MAML3: variants seen among roughly 807,000 people sequenced by gnomAD.
MAML3 encodes the protein mastermind like transcriptional coactivator 3, also known as mastermind-like protein 3.
MAML3 carries 27 observed loss-of-function variants against 101.9 expected under a neutral mutation model. The observed-to-expected ratio is 0.27, with a 90% confidence interval of 0.20 to 0.37. The LOEUF is 0.37. MAML3 is among the 10% of genes least tolerant of loss of function. The probability of loss-of-function intolerance (pLI) is 1.00; values close to 1 mark genes in which losing one functional copy is unlikely to be tolerated. For missense variants in MAML3, 1,316 were observed against 1,444.9 expected, an observed-to-expected ratio of 0.91 and a Z score of 1.45; for synonymous variants, 501 against 555.9, an observed-to-expected ratio of 0.90 and a Z score of 1.39.
chr4:140,091,712 TA>T (rs1728055255), intron 1 of MAML3, among the ~76,000 whole-genome samples: 1 of 152,112 alleles, frequency 6.6e-6, no homozygotes. Context: ...GGCTCCCAAC[TA>T]GTTCAAGGGT....
intron 2 of MAML3, among the ~76,000 whole-genome samples, chr4:139,824,994 C>T (rs1731038150): frequency 6.6e-6 from 1 of 152,138 alleles, no homozygotes; most frequent in Non-Finnish European, 1.5e-5. Flanking sequence ...ATTAGCAGTT[C>T]ATCTTCTAAA....
intron 1 of MAML3, among the ~76,000 whole-genome samples, chr4:140,066,629 G>T (rs544144282): frequency 6.6e-6 from 1 of 152,180 alleles, no homozygotes; most frequent in Non-Finnish European, 1.5e-5. Context: ...AAAAACAGGA[G>T]CAGGAAAAAA....
At chr4:140,042,166 C>T (rs886681851) in intron 1 of MAML3, among the ~76,000 whole-genome samples, 1 of 152,162 alleles carries the variant, frequency 6.6e-6, no homozygotes, top group Admixed American at 6.5e-5. Flanking sequence ...CAGCACCCAG[C>T]CATTTTATTA....
At position 139,889,481 on chromosome 4, in the gene MAML3, G is replaced by GGTGGCTGCTGCT; in HGVS notation, c.1954_1955insAGCAGCAGCCAC (p.Gln648_Pro651dup). ...CCTGGGGGCCTGGAGCTGTGGAGGT[G>GGTGGCTGCTGCT]GCGGCTGCTGCTGCTGCTGCTGCTG... is the stretch of plus-strand genomic sequence containing the variant. On this transcript the variant is annotated inframe_insertion, in exon 2 of 5. Transcript: ENST00000509479. 1 of 1,611,160 alleles carries GGTGGCTGCTGCT rather than the reference G, an allele frequency of 6.2e-7. No homozygotes were observed. The highest frequency in any genetic ancestry group is 2.2e-5 in the East Asian group (1 of 44,796).
At chr4:140,116,428 T>C (rs537777876) in intron 1 of MAML3, among the ~76,000 whole-genome samples, 1 of 152,360 alleles carries the variant, frequency 6.6e-6, no homozygotes, top group Admixed American at 6.5e-5. Flanking sequence ...CTCTTGCATG[T>C]TCAGGGCTAT....
At chr4:139,885,245 TA>T (rs773986857) in intron 2 of MAML3, among the ~76,000 whole-genome samples, 132 of 145,204 alleles carry the variant, frequency 9.1e-4, no homozygotes, top group Middle Eastern at 3.5e-3. Flanking sequence ...TACTGAAAAT[TA>T]AAAAAAAAAA....
chr4:139,937,511 C>T lies in MAML3; in HGVS notation c.469-46544G>A, dbSNP rs113880540. On this transcript the variant is annotated intron_variant, in intron 1 of 4. Coordinates refer to ENST00000509479, the MANE Select transcript of MAML3 (RefSeq NM_018717.5). The stretch of plus-strand genomic sequence containing the variant: ...AAGGGATTCTCTTGCCTCAGACTCC[C>T]GAGTAGCTGGGATTACAGGCATCTA... Among the ~76,000 whole-genome samples the T allele has an allele frequency of 4.8e-3, 724 of 151,988 alleles. 5 individuals carry two copies. The highest frequency in any genetic ancestry group is 0.017 in the African/African-American group (690 of 41,458).
At chr4:139,896,862 G>A (rs1022671944) in intron 1 of MAML3, among the ~76,000 whole-genome samples, 1 of 152,150 alleles carries the variant, frequency 6.6e-6, no homozygotes, top group Admixed American at 6.5e-5. Flanking sequence ...TACAGGGAAA[G>A]GGGCAGTGTT....
chr4:140,134,954 C>T (rs545389906), intron 1 of MAML3, among the ~76,000 whole-genome samples: 9 of 152,302 alleles, frequency 5.9e-5, no homozygotes, highest in African/African-American at 2.2e-4. Context: ...CTCCCAGGAC[C>T]GAGTAGCCCT....
At chr4:139,916,045 G>T (rs774134767) in intron 1 of MAML3, among the ~76,000 whole-genome samples, 2 of 152,168 alleles carry the variant, frequency 1.3e-5, no homozygotes, top group African/African-American at 2.4e-5. Context: ...CGCAAGGTAG[G>T]TTAATAAACA....
At chr4:140,074,757 G>A (rs1400637690) in intron 1 of MAML3, among the ~76,000 whole-genome samples, 1 of 152,160 alleles carries the variant, frequency 6.6e-6, no homozygotes, top group East Asian at 1.9e-4. Flanking sequence ...CAGGAATGAC[G>A]GTGATGCCAA....
At chr4:139,921,665 A>G (rs1352844891) in intron 1 of MAML3, among the ~76,000 whole-genome samples, 7 of 152,012 alleles carry the variant, frequency 4.6e-5, no homozygotes, top group African/African-American at 1.7e-4. Flanking sequence ...GCAAATCTAA[A>G]GAGAATCAGC....
intron 2 of MAML3, among the ~76,000 whole-genome samples, chr4:139,814,058 AATG>A (rs1730853256): frequency 6.6e-6 from 1 of 151,916 alleles, no homozygotes; most frequent in Admixed American, 6.6e-5. Context: ...ACACACACAG[AATG>A]ATGATTTCAC....
At chr4:139,947,322 G>A (rs1733749203) in intron 1 of MAML3, among the ~76,000 whole-genome samples, 1 of 152,124 alleles carries the variant, frequency 6.6e-6, no homozygotes, top group South Asian at 2.1e-4. Context: ...GACATGGATA[G>A]CTATTCACAG....
chr4:140,012,637 A>G (rs1357684763), intron 1 of MAML3, among the ~76,000 whole-genome samples: 1 of 152,194 alleles, frequency 6.6e-6, no homozygotes, highest in African/African-American at 2.4e-5. Context: ...CAGCCTTTCT[A>G]TAGACCGCTT....
intron 2 of MAML3, among the ~76,000 whole-genome samples, chr4:139,781,403 T>C (rs1444078941): frequency 2.0e-5 from 3 of 151,864 alleles, no homozygotes; most frequent in African/African-American, 4.8e-5. Flanking sequence ...CTGTTTAAAT[T>C]TGGCAAACTT....
chr4:140,064,659 G>T (rs1321801698), intron 1 of MAML3, among the ~76,000 whole-genome samples: 2 of 152,230 alleles, frequency 1.3e-5, no homozygotes, highest in Admixed American at 6.6e-5. Flanking sequence ...CTCTGCTGTG[G>T]CCTGGTCCTC....
In MAML3 at chr4:139,812,034, G is replaced by A. The variant is rs138241800; in HGVS notation, c.2079+77323C>T. ...TCCTAACATTTTGGGAAGCTGAGGAGGGAGGATCACCAGGAGTTAGAGACC... is the reference window on the plus strand; with the variant it reads ...TCCTAACATTTTGGGAAGCTGAGGAAGGAGGATCACCAGGAGTTAGAGACC... On this transcript the variant is annotated intron_variant, in intron 2 of 4. Coordinates refer to ENST00000509479, the MANE Select transcript of MAML3 (RefSeq NM_018717.5). 6.2e-3 allele frequency among the ~76,000 whole-genome samples: 938 copies of A among 152,200 alleles called. 11 individuals carry two copies. Among genetic ancestry groups the A allele is most frequent in the African/African-American group, 0.021 (879 of 41,530 alleles).
At chr4:140,126,354 T>A (rs1728686187) in intron 1 of MAML3, among the ~76,000 whole-genome samples, 1 of 152,120 alleles carries the variant, frequency 6.6e-6, no homozygotes. Context: ...CTGCCTCTAC[T>A]GACACCATCC....
Sources: allele counts gnomAD v4.1 joint callset (sites outside exome capture counted in the v4.1 genomes callset), GRCh38; gene constraint gnomAD v4.1.1; transcripts MANE v1.5; gene names NCBI Gene and HGNC (gene_info 2026-07-23, HGNC 2026-07-21).